Variants in MCUR1 observed in about 807,000 individuals in gnomAD.
The protein encoded by MCUR1 is mitochondrial calcium uniporter regulator 1.
A neutral mutation model predicts 42.0 loss-of-function variants in MCUR1; 37 were observed. The observed-to-expected ratio is 0.88, with a 90% confidence interval of 0.68 to 1.16. The LOEUF is 1.16. Ranked by LOEUF, MCUR1 falls within the 50% of genes most tolerant of loss-of-function variation. The pLI is 0.00. For synonymous variants in MCUR1, 229 were observed against 196.2 expected (o/e 1.17, Z -1.40); for missense variants, 469 against 468.4 (o/e 1.00, Z -0.01).
chr6:13,799,009 G>A lies in MCUR1; in HGVS notation c.784-105C>T, dbSNP rs1584985197. 4.5e-6 allele frequency: 3 copies of A among 673,870 alleles called. 1 individual carries two copies. In the East Asian group the frequency reaches 8.5e-5, roughly 19 times the overall value. The allele number at this position is 673,870 out of a possible 1,614,324, so 41.7% of individuals were successfully genotyped here. A position where few individuals can be genotyped will look rare whatever the true frequency, so the allele number is the denominator to read the frequency against. ...ACTGCCCCCACTGTCCCTATCCTAG[G>A]CGAGGCAACCCAGGGAGGGAGAGAG... On this transcript the variant is annotated intron_variant, in intron 5 of 8. Coordinates refer to ENST00000379170, the MANE Select transcript of MCUR1 (RefSeq NM_001031713.4).
intron 6 of MCUR1, among the ~76,000 whole-genome samples, chr6:13,794,217 T>C (rs1025942155): frequency 7.9e-5 from 12 of 151,582 alleles, no homozygotes; most frequent in African/African-American, 2.7e-4. Context: ...CCTCCCAAGG[T>C]GCTGGGATTA....
intron 2 of MCUR1, among the ~76,000 whole-genome samples, chr6:13,806,456 A>G (rs1340366916): frequency 1.3e-5 from 2 of 152,242 alleles, no homozygotes; most frequent in Non-Finnish European, 2.9e-5. Flanking sequence ...ATTTTTACCT[A>G]TAACACTGTA....
rs906583099 is a variant in MCUR1 at position 13,788,898 on chromosome 6, T to C, written c.*1911A>G. On this transcript the variant is annotated 3_prime_UTR_variant, in exon 9 of 9. Transcript: ENST00000379170. ...CATTCTCTAAAAGGGCAATGACTTA[T>C]ATTTTCCAAAGTTTAGACATGACAT... is the stretch of plus-strand genomic sequence containing the variant. The C allele has an allele frequency of 6.6e-6, 1 of 152,252 alleles. No individual in the cohort carries two copies. Among genetic ancestry groups the C allele is most frequent in the African/African-American group, 2.4e-5 (1 of 41,454 alleles). The allele number at this position is 152,252 out of a possible 1,614,324, so 9.4% of individuals were successfully genotyped here.
Position 13,789,618 on chromosome 6 carries a change from A to T in MCUR1, c.*1191T>A, listed in dbSNP as rs1020038844. ...TAATGACATAAATTTCATTTATGAA[A>T]TATGTATCCATCATCTAGGTATCTT... On this transcript the variant is annotated 3_prime_UTR_variant, in exon 9 of 9. Coordinates refer to ENST00000379170, the MANE Select transcript of MCUR1 (RefSeq NM_001031713.4). 6.6e-6 allele frequency: 1 copy of T among 152,212 alleles called. No homozygotes were observed. Among genetic ancestry groups the T allele is most frequent in the African/African-American group, 2.4e-5 (1 of 41,456 alleles). 9.4% of individuals were successfully genotyped at this position (152,212 alleles called of 1,614,324 possible). A position where few individuals can be genotyped will look rare whatever the true frequency, so the allele number is the denominator to read the frequency against.
intron 1 of MCUR1, among the ~76,000 whole-genome samples, chr6:13,810,510 A>C (rs1412769205): frequency 1.3e-5 from 2 of 152,186 alleles, no homozygotes; most frequent in Non-Finnish European, 2.9e-5. Context: ...TGCCAACTCA[A>C]AGGTCAAAGG....
chr6:13,801,519 TC>T (rs1759989254), intron 3 of MCUR1, 130 bp from the exon 4 acceptor site: 1 of 621,200 alleles, frequency 1.6e-6, no homozygotes, highest in Non-Finnish European at 2.8e-6. Flanking sequence ...AGTAGGGTCA[TC>T]CTTTATTCCA....
chr6:13,813,626 C>T (rs1561738449), intron 1 of MCUR1, among the ~76,000 whole-genome samples: 1 of 152,206 alleles, frequency 6.6e-6, no homozygotes, highest in African/African-American at 2.4e-5. Flanking sequence ...CCCTTCATTT[C>T]CCAGAGCTTT....
chr6:13,813,002 G>A (rs1275699125), intron 1 of MCUR1, among the ~76,000 whole-genome samples: 2 of 152,220 alleles, frequency 1.3e-5, no homozygotes, highest in East Asian at 1.9e-4. Flanking sequence ...TGGTCTATGA[G>A]ACTATAATAC....
At chr6:13,810,885 A>C (rs188455349) in intron 1 of MCUR1, among the ~76,000 whole-genome samples, 27 of 152,358 alleles carry the variant, frequency 1.8e-4, no homozygotes, top group Admixed American at 1.7e-3. Flanking sequence ...CTGTGCTATG[A>C]CAGGAGGTCC....
At chr6:13,812,093 G>A (rs1482727860) in intron 1 of MCUR1, among the ~76,000 whole-genome samples, 2 of 152,150 alleles carry the variant, frequency 1.3e-5, no homozygotes, top group Non-Finnish European at 2.9e-5. Flanking sequence ...AGCCAACTGA[G>A]CTGTGTCAAC....
intron 7 of MCUR1, 56 bp downstream of exon 7, chr6:13,793,837 TG>T: frequency 6.8e-7 from 1 of 1,461,362 alleles, no homozygotes; most frequent in South Asian, 1.1e-5. Context: ...CAACCATGCA[TG>T]GAACGAAGCA....
intron 7 of MCUR1, among the ~76,000 whole-genome samples, chr6:13,793,361 G>A (rs765881938): frequency 6.6e-6 from 1 of 152,134 alleles, no homozygotes; most frequent in Non-Finnish European, 1.5e-5. Flanking sequence ...ACGGGTGGAA[G>A]CAACACAAGT....
intron 1 of MCUR1, among the ~76,000 whole-genome samples, chr6:13,813,039 T>G (rs1760272037): frequency 6.6e-6 from 1 of 152,210 alleles, no homozygotes; most frequent in Non-Finnish European, 1.5e-5. Context: ...TTTTCTACAT[T>G]TAGATGCGCA....
At chr6:13,791,812 TCAA>T in intron 8 of MCUR1, 63 bp downstream of exon 8, 3 of 1,095,774 alleles carry the variant, frequency 2.7e-6, no homozygotes, top group Non-Finnish European at 4.0e-6. Flanking sequence ...GCAGTATCTG[TCAA>T]CGACTTATTT....
At chr6:13,792,301 T>C (rs756650134) in intron 7 of MCUR1, among the ~76,000 whole-genome samples, 1 of 152,224 alleles carries the variant, frequency 6.6e-6, no homozygotes, top group Admixed American at 6.5e-5. Flanking sequence ...TGAAAAAGCA[T>C]TTGTAAGCTC....
At chr6:13,813,186 C>T (rs1760275373) in intron 1 of MCUR1, among the ~76,000 whole-genome samples, 1 of 152,126 alleles carries the variant, frequency 6.6e-6, no homozygotes, top group Non-Finnish European at 1.5e-5. Flanking sequence ...TGTAAGCACA[C>T]TCTACAATAT....
chr6:13,814,154 C>A lies in MCUR1; in HGVS notation c.276G>T (p.Trp92Cys), dbSNP rs1760308271. The A allele has an allele frequency of 1.5e-6, 2 of 1,321,712 alleles. No homozygotes were observed. Among genetic ancestry groups the A allele is most frequent in the African/African-American group, 3.1e-5 (2 of 64,646 alleles). 81.9% of individuals were successfully genotyped at this position (1,321,712 alleles called of 1,614,324 possible). The part of the protein sequence containing the change: ...AAAPRRQLGD[W>C]ERSRLGYAAP... ...CGGCATACCCGAGGCGCGAGCGCTCCCAGTCCCCGAGCTGCCGGCGCGGGG... is the reference window on the plus strand; with the variant it reads ...CGGCATACCCGAGGCGCGAGCGCTCACAGTCCCCGAGCTGCCGGCGCGGGG... The change falls in exon 1 of 9, where the codon TGG (tryptophan) becomes TGT (cysteine). Residue 92 changes from tryptophan to cysteine, a missense_variant. Transcript: ENST00000379170.
chr6:13,813,802 A>C (rs1760292308), intron 1 of MCUR1, among the ~76,000 whole-genome samples: 1 of 152,134 alleles, frequency 6.6e-6, no homozygotes, highest in African/African-American at 2.4e-5. Context: ...CGGGATTCCC[A>C]GGAATTCGTC....
chr6:13,796,958 A>G (rs1450904900), intron 6 of MCUR1, among the ~76,000 whole-genome samples: 2 of 151,682 alleles, frequency 1.3e-5, no homozygotes, highest in African/African-American at 4.9e-5. Flanking sequence ...CACCAGTGAC[A>G]TGCTATAGTC....
Sources: gnomAD v4.1 joint callset for allele counts (sites outside exome capture counted in the v4.1 genomes callset) on GRCh38, gnomAD v4.1.1 for gene constraint, MANE v1.5 for transcripts, NCBI Gene and HGNC (gene_info 2026-07-23, HGNC 2026-07-21) for gene names.